The following CMC1 variants were observed in gnomAD, a reference collection of about 807,000 sequenced individuals.
CMC1 encodes COX assembly mitochondrial protein homolog.
Under a neutral mutation model 14.1 loss-of-function variants are expected in CMC1, and 14 were observed. The ratio of observed to expected loss-of-function variants is 0.99; its 90% CI spans 0.66 to 1.55. The LOEUF (loss-of-function observed/expected upper bound fraction) is 1.55. CMC1 is among the 40% of genes most tolerant of loss of function. The probability of loss-of-function intolerance (pLI) is 0.00; values close to 1 mark genes in which losing one functional copy is unlikely to be tolerated. For missense variants in CMC1, 127 were observed against 123.8 expected, an observed-to-expected ratio of 1.03 and a Z score of -0.12; for synonymous variants, 50 against 38.4, an observed-to-expected ratio of 1.30 and a Z score of -1.12.
intron 2 of CMC1, among the ~76,000 whole-genome samples, chr3:28,296,490 C>T (rs73822572): frequency 6.6e-6 from 1 of 152,096 alleles, no homozygotes; most frequent in African/African-American, 2.4e-5. Context: ...TTATTTCAGT[C>T]AACCCTGTTG....
At position 28,241,802 on chromosome 3, in the gene CMC1, C is replaced by T; in HGVS notation, c.9C>T (p.Leu3=). The part of the protein sequence containing the change: MA[L]DPADQHLRHV... Reference sequence around the variant, plus strand: ...CTTCTCGGCCCGCCGAGATGGCGCTCGACCCCGCAGGTACCGGGGCGGGAA... The same window carrying T: ...CTTCTCGGCCCGCCGAGATGGCGCTTGACCCCGCAGGTACCGGGGCGGGAA... The change falls in exon 1 of 4, where the codon CTC becomes CTT. Residue 3 remains leucine, a synonymous_variant. Coordinates refer to ENST00000466830, the MANE Select transcript of CMC1 (RefSeq NM_182523.2). The T allele has an allele frequency of 8.1e-7, 1 of 1,240,208 alleles. No individual in the cohort carries two copies. Among genetic ancestry groups the T allele is most frequent in the Non-Finnish European group, 1.0e-6 (1 of 988,140 alleles). The allele number at this position is 1,240,208 out of a possible 1,614,324, so 76.8% of individuals were successfully genotyped here. A position where few individuals can be genotyped will look rare whatever the true frequency, so the allele number is the denominator to read the frequency against.
intron 1 of CMC1, among the ~76,000 whole-genome samples, chr3:28,252,916 G>T (rs907801769): frequency 6.6e-6 from 1 of 152,132 alleles, no homozygotes; most frequent in African/African-American, 2.4e-5. Context: ...TCACAGACAG[G>T]CAGGCTGGAG....
intron 2 of CMC1, among the ~76,000 whole-genome samples, chr3:28,285,493 G>C (rs1701126366): frequency 6.6e-6 from 1 of 152,086 alleles, no homozygotes. Context: ...TAAGGGTACA[G>C]AGAGTGGAAT....
At chr3:28,274,228 T>G (rs1700461936) in intron 2 of CMC1, among the ~76,000 whole-genome samples, 1 of 144,888 alleles carries the variant, frequency 6.9e-6, no homozygotes, top group African/African-American at 2.5e-5. Flanking sequence ...TTCTTTTTTT[T>G]TTTTTTTGCA....
chr3:28,244,868 G>T, intron 1 of CMC1, among the ~76,000 whole-genome samples: 1 of 151,210 alleles, frequency 6.6e-6, no homozygotes, highest in South Asian at 2.1e-4. Flanking sequence ...GTAAAAAAGT[G>T]GAGTCAGCAA....
At chr3:28,312,797 A>T (rs796117777) in intron 2 of CMC1, among the ~76,000 whole-genome samples, 1 of 152,180 alleles carries the variant, frequency 6.6e-6, no homozygotes, top group African/African-American at 2.4e-5. Flanking sequence ...AGAAGACTTT[A>T]TCTCTTTATG....
intron 1 of CMC1, among the ~76,000 whole-genome samples, chr3:28,244,925 A>G (rs1356804117): frequency 2.6e-5 from 4 of 151,080 alleles, no homozygotes; most frequent in Non-Finnish European, 5.9e-5. Flanking sequence ...GTCTGTTTAA[A>G]TTCCAGAATA....
chr3:28,241,643 G>A lies in CMC1; in HGVS notation c.-151G>A. The A allele has an allele frequency of 2.4e-6, 3 of 1,232,614 alleles. No individual in the cohort carries two copies. The highest frequency in any genetic ancestry group is 3.0e-6 in the Non-Finnish European group (3 of 987,808). 76.4% of individuals were successfully genotyped at this position (1,232,614 alleles called of 1,614,324 possible). On this transcript the variant is annotated 5_prime_UTR_variant, in exon 1 of 4. Coordinates refer to ENST00000466830, the MANE Select transcript of CMC1 (RefSeq NM_182523.2). ...GAGCCTGGGAAGGAAGAGGGAACGG[G>A]TCCTGGCGGTGCTTTGCAAAGGGCC...
intron 1 of CMC1, among the ~76,000 whole-genome samples, chr3:28,258,782 G>A (rs1699570113): frequency 6.6e-6 from 1 of 151,660 alleles, no homozygotes; most frequent in South Asian, 2.1e-4. Context: ...ACCAAGTCCG[G>A]GTCATTTTTT....
chr3:28,256,750 A>T (rs1233954547), intron 1 of CMC1, among the ~76,000 whole-genome samples: 1 of 152,234 alleles, frequency 6.6e-6, no homozygotes, highest in Non-Finnish European at 1.5e-5. Context: ...AAAAGATTTT[A>T]AACAAAATTT....
At position 28,264,159 on chromosome 3, in the gene CMC1, G is replaced by A. The variant is rs184645115; in HGVS notation, c.109+779G>A. 8.1e-4 allele frequency among the ~76,000 whole-genome samples: 123 copies of A among 152,170 alleles called. 1 individual carries two copies. The highest frequency in any genetic ancestry group is 1.5e-3 in the Non-Finnish European group (100 of 68,006). On this transcript the variant is annotated intron_variant, in intron 2 of 3. Coordinates refer to ENST00000466830, the MANE Select transcript of CMC1 (RefSeq NM_182523.2). ...CAAAAAGAAGTAATAAACTTTTATG[G>A]GCATAGGCTATTTTCCTGGCTTTAC...
intron 2 of CMC1, among the ~76,000 whole-genome samples, chr3:28,309,729 A>G (rs1186100112): frequency 1.3e-5 from 2 of 151,834 alleles, no homozygotes; most frequent in African/African-American, 4.8e-5. Flanking sequence ...CCTTTTGAGG[A>G]TTTCGATAGC....
chr3:28,323,180 C>T lies in CMC1; in HGVS notation c.*3551C>T, dbSNP rs1338244995. 2.6e-5 allele frequency: 4 copies of T among 151,014 alleles called. No individual in the cohort carries two copies. Among genetic ancestry groups the T allele is most frequent in the Admixed American group, 2.6e-4 (4 of 15,106 alleles). The allele number at this position is 151,014 out of a possible 1,614,324, so 9.4% of individuals were successfully genotyped here. On this transcript the variant is annotated 3_prime_UTR_variant, in exon 4 of 4. Coordinates refer to ENST00000466830, the MANE Select transcript of CMC1 (RefSeq NM_182523.2). Reference sequence around the variant, plus strand: ...GCTGCTCTACACAATGTGCAGCTAGCTGTAGTCTCTTTGAAGAAAATGACT... The same window carrying T: ...GCTGCTCTACACAATGTGCAGCTAGTTGTAGTCTCTTTGAAGAAAATGACT...
At position 28,321,354 on chromosome 3, in the gene CMC1, CAGA is replaced by C. The variant is rs1703184167; in HGVS notation, c.*1728_*1730del. 6.6e-6 allele frequency: 1 copy of C among 151,396 alleles called. No individual in the cohort carries two copies. The highest frequency in any genetic ancestry group is 2.4e-5 in the African/African-American group (1 of 41,344). 9.4% of individuals were successfully genotyped at this position (151,396 alleles called of 1,614,324 possible). The stretch of plus-strand genomic sequence containing the variant: ...TCTATTTTATAGCTTTGATTAAAAT[CAGA>C]AGTAGCCCACTTCATGTAGAAAATT... On this transcript the variant is annotated 3_prime_UTR_variant, in exon 4 of 4. Transcript: ENST00000466830.
intron 2 of CMC1, among the ~76,000 whole-genome samples, chr3:28,309,950 C>G (rs1702552386): frequency 1.2e-5 from 1 of 83,264 alleles, no homozygotes; most frequent in East Asian, 2.9e-4. Context: ...ACCACACACA[C>G]ACACACACAC....
chr3:28,324,540 G>C lies in CMC1; in HGVS notation c.*4911G>C, dbSNP rs998449701. ...TAACACTTCACCAATTTGAATTCTA[G>C]AACTGGTGATGAAATTAAGATTTCC... On this transcript the variant is annotated 3_prime_UTR_variant, in exon 4 of 4. Transcript: ENST00000466830. 4 of 1,207,230 alleles carry C rather than the reference G, an allele frequency of 3.3e-6. No homozygotes were observed. Among genetic ancestry groups the C allele is most frequent in the African/African-American group, 1.5e-5 (1 of 65,606 alleles). 74.8% of individuals were successfully genotyped at this position (1,207,230 alleles called of 1,614,324 possible).
intron 2 of CMC1, among the ~76,000 whole-genome samples, chr3:28,306,728 T>G (rs1199566431): frequency 6.6e-6 from 1 of 151,028 alleles, no homozygotes; most frequent in East Asian, 1.9e-4. Flanking sequence ...CACTGCAACC[T>G]CAGCCTCCTG....
intron 1 of CMC1, among the ~76,000 whole-genome samples, chr3:28,252,743 TAG>T (rs568228531): frequency 1.4e-4 from 22 of 152,220 alleles, no homozygotes; most frequent in Non-Finnish European, 1.3e-4. Context: ...ATTGAAGGTT[TAG>T]AGCCTGGGTT....
chr3:28,295,293 T>C (rs1287484677), intron 2 of CMC1, among the ~76,000 whole-genome samples: 2 of 152,166 alleles, frequency 1.3e-5, no homozygotes, highest in Non-Finnish European at 2.9e-5. Context: ...ACCTTACCCA[T>C]GTTGTGTTTA....
Sources: allele counts gnomAD v4.1 joint callset (sites outside exome capture counted in the v4.1 genomes callset), GRCh38; gene constraint gnomAD v4.1.1; transcripts MANE v1.5; gene names NCBI Gene and HGNC (gene_info 2026-07-23, HGNC 2026-07-21).